MYO1G: variants seen among roughly 807,000 people sequenced by gnomAD.
The protein encoded by MYO1G is myosin IG.
MYO1G carries 65 observed loss-of-function variants against 115.3 expected under a neutral mutation model. The ratio of observed to expected loss-of-function variants is 0.56; its 90% confidence interval spans 0.46 to 0.69. The LOEUF (loss-of-function observed/expected upper bound fraction) is 0.69, where lower values mean the gene tolerates loss of function less well. Among genes scored for constraint, MYO1G ranks in the 30% least tolerant of loss-of-function variants. MYO1G has a pLI of 0.00. For missense variants in MYO1G, 1,204 were observed against 1,393.5 expected (o/e 0.86, Z 2.16); for synonymous variants, 510 against 552.6 (o/e 0.92, Z 1.08).
In MYO1G at chr7:44,963,079, G is replaced by T; in HGVS notation, c.2791C>A (p.Leu931Met). Residue 931 changes from leucine to methionine, a missense_variant, in exon 21 of 22, where the codon CTG (leucine) becomes ATG (methionine). Coordinates refer to ENST00000258787, the MANE Select transcript of MYO1G (RefSeq NM_033054.3). This position sits in a 1 kb window ranked among gnomAD's most constrained non-coding sequence, Gnocchi z 4.1. Reference sequence around the variant, plus strand: ...AGGTCGTCCTGGCCGCGGGCGTGCAGCACCACCAGCTGGTCTCCTCCGCTG... The same window carrying T: ...AGGTCGTCCTGGCCGCGGGCGTGCATCACCACCAGCTGGTCTCCTCCGCTG... ...VTSGGDQLVVLHARGQDDLVV... is the reference protein window; with the variant it reads ...VTSGGDQLVVMHARGQDDLVV... 6.6e-7 allele frequency: 1 copy of T among 1,520,586 alleles called. No individual in the cohort carries two copies. 94.2% of individuals were successfully genotyped at this position (1,520,586 alleles called of 1,614,324 possible). A position where few individuals can be genotyped will look rare whatever the true frequency, so the allele number is the denominator to read the frequency against.
chr7:44,967,050 C>CG (rs1248848670), intron 14 of MYO1G, among the ~76,000 whole-genome samples: 3 of 152,130 alleles, frequency 2.0e-5, no homozygotes, highest in South Asian at 2.1e-4. Flanking sequence ...AGCCCCTGGT[C>CG]GGGGGGTGGG....
chr7:44,969,616 A>G lies in MYO1G; in HGVS notation c.1503+89T>C, dbSNP rs115894702. On this transcript the variant is annotated intron_variant, in intron 11 of 21. Transcript: ENST00000258787. This position sits in a 1 kb window ranked among gnomAD's most constrained non-coding sequence, Gnocchi z 5.0. ...ACAATGGCACCAAAGCTGGGTCCCC[A>G]ACCAGGCCCCACGAGGCATGGGCAG... 9.0e-4 allele frequency: 1,426 copies of G among 1,582,556 alleles called. 9 individuals carry two copies. The African/African-American group carries it at 0.013, about 14-fold the overall frequency.
chr7:44,971,219 C>A (rs1392813476), intron 7 of MYO1G, among the ~76,000 whole-genome samples, 160 bp from the exon 8 acceptor site: 1 of 152,228 alleles, frequency 6.6e-6, no homozygotes. Flanking sequence ...GGCACAGACA[C>A]AGCCAGAGAC....
rs778621734 is a variant in MYO1G at position 44,969,756 on chromosome 7, C to T, written c.1452G>A (p.Leu484=). ...SAGTITDRIF[L]QTLDMHHRHH... is the part of the protein sequence containing the mutation. ...GGCGGTGGTGCATGTCCAGGGTCTG[C>T]AGGAAGATTCGGTCAGTGATGGTGC... Residue 484 remains leucine, a synonymous_variant, in exon 11 of 22, where the codon CTG becomes CTA. Coordinates refer to ENST00000258787, the MANE Select transcript of MYO1G (RefSeq NM_033054.3). The surrounding 1 kb of genome is among the most constrained non-coding windows in gnomAD (Gnocchi z 5.0). 2.5e-6 allele frequency: 4 copies of T among 1,612,376 alleles called. No homozygotes were observed. The highest frequency in any genetic ancestry group is 3.4e-6 in the Non-Finnish European group (4 of 1,179,916).
rs752251741 is a variant in MYO1G at position 44,963,018 on chromosome 7, TCC to T, written c.2850_2851del (p.Asp951GlnfsTer?). 1 of 1,532,684 alleles carries T rather than the reference TCC, an allele frequency of 6.5e-7. No individual in the cohort carries two copies. The highest frequency in any genetic ancestry group is 1.2e-5 in the South Asian group (1 of 83,800). The allele number at this position is 1,532,684 out of a possible 1,614,324, so 94.9% of individuals were successfully genotyped here. A position where few individuals can be genotyped will look rare whatever the true frequency, so the allele number is the denominator to read the frequency against. On this transcript the variant is annotated frameshift_variant, in exon 21 of 22. Coordinates refer to ENST00000258787, the MANE Select transcript of MYO1G (RefSeq NM_033054.3). LOFTEE classifies it high-confidence loss of function. This position sits in a 1 kb window ranked among gnomAD's most constrained non-coding sequence, Gnocchi z 4.1. ...GCCCACCAGCTCCCCAACGCGGTTGTCCAATGGCGGCCGGGAGCGGTGCAGGC... is the reference window on the plus strand; with the variant it reads ...GCCCACCAGCTCCCCAACGCGGTTGTAATGGCGGCCGGGAGCGGTGCAGGC...
intron 5 of MYO1G, chr7:44,973,936 C>G (rs62461373): frequency 0.2 from 29,976 of 151,628 alleles, 3,275 homozygotes; most frequent in Non-Finnish European, 0.22. Context: ...GGGGCTCCCA[C>G]CAGGGGGAGG....
At chr7:44,967,154 T>G (rs571143601) in intron 14 of MYO1G, among the ~76,000 whole-genome samples, 1 of 152,236 alleles carries the variant, frequency 6.6e-6, no homozygotes, top group African/African-American at 2.4e-5. Context: ...TGTTCTGTAG[T>G]TAAGCTCACC....
In MYO1G at chr7:44,964,569, A is replaced by C; in HGVS notation, c.2527-50T>G. On this transcript the variant is annotated intron_variant, in intron 18 of 21. Transcript: ENST00000258787. The surrounding 1 kb of genome is among the most constrained non-coding windows in gnomAD (Gnocchi z 5.1). ...GCGCTGCTTGGGATTGAGTCATGGG[A>C]CCAGACTCAATTGATAGCAGCTGTC... 2 of 1,392,212 alleles carry C rather than the reference A, an allele frequency of 1.4e-6. No homozygotes were observed. The highest frequency in any genetic ancestry group is 2.0e-6 in the Non-Finnish European group (2 of 979,292). The allele number at this position is 1,392,212 out of a possible 1,614,324, so 86.2% of individuals were successfully genotyped here.
In MYO1G at chr7:44,972,597, T is replaced by A. The variant is rs920359238; in HGVS notation, c.619-372A>T. On this transcript the variant is annotated intron_variant, in intron 5 of 21. Transcript: ENST00000258787. ...CCGGGTCCCAAAACCTCCCACTGAGTGAGGAGGTAAGAGTTTGTGGACAAA... is the reference window on the plus strand; with the variant it reads ...CCGGGTCCCAAAACCTCCCACTGAGAGAGGAGGTAAGAGTTTGTGGACAAA... The A allele has an allele frequency of 1.9e-5, 5 of 257,774 alleles. No homozygotes were observed. The Admixed American group carries it at 2.4e-4, about 13-fold the overall frequency. The allele number at this position is 257,774 out of a possible 1,614,324, so 16.0% of individuals were successfully genotyped here.
intron 1 of MYO1G, among the ~76,000 whole-genome samples, chr7:44,978,512 A>G (rs1002397803): frequency 6.6e-6 from 1 of 152,188 alleles, no homozygotes; most frequent in Non-Finnish European, 1.5e-5. Flanking sequence ...CCTCCTGGAA[A>G]GATAGTGCCT....
chr7:44,977,674 T>A (rs1795082312), intron 1 of MYO1G, among the ~76,000 whole-genome samples: 1 of 152,156 alleles, frequency 6.6e-6, no homozygotes, highest in African/African-American at 2.4e-5. Flanking sequence ...ACCCTTTCCT[T>A]CACAAACCTG....
Position 44,966,652 on chromosome 7 carries a change from TG to T in MYO1G, c.1949+19del. ...ACAGGGACTATGGCCCATGGAGTGA[TG>T]GGTGTCAGGTGCCAGTACCTGAGCA... On this transcript the variant is annotated intron_variant, in intron 15 of 21. Transcript: ENST00000258787. This position sits in a 1 kb window ranked among gnomAD's most constrained non-coding sequence, Gnocchi z 5.0. The T allele has an allele frequency of 6.2e-7, 1 of 1,612,872 alleles. No homozygotes were observed. The highest frequency in any genetic ancestry group is 8.5e-7 in the Non-Finnish European group (1 of 1,179,920).
intron 9 of MYO1G, 90 bp from the exon 10 acceptor site, chr7:44,970,244 T>A: frequency 2.1e-6 from 2 of 934,144 alleles, no homozygotes; most frequent in South Asian, 1.5e-5. Flanking sequence ...TCTCTGCTAA[T>A]GTTCATTGAG....
chr7:44,969,909 A>C lies in MYO1G; in HGVS notation c.1333-34T>G. The C allele has an allele frequency of 6.3e-7, 1 of 1,588,754 alleles. No homozygotes were observed. The highest frequency in any genetic ancestry group is 1.7e-4 in the Middle Eastern group (1 of 5,938). ...AAGGCAGCCAGCAAGGAAGCTCCCA[A>C]GGTCTTTCAGGCCACCTCCCCTCCT... is the stretch of plus-strand genomic sequence containing the variant. On this transcript the variant is annotated intron_variant, in intron 10 of 21. Coordinates refer to ENST00000258787, the MANE Select transcript of MYO1G (RefSeq NM_033054.3). This position sits in a 1 kb window ranked among gnomAD's most constrained non-coding sequence, Gnocchi z 5.0.
chr7:44,978,750 G>A, intron 1 of MYO1G, 117 bp downstream of exon 1: 10 of 936,824 alleles, frequency 1.1e-5, no homozygotes, highest in Non-Finnish European at 1.7e-5. Context: ...GTGGGTGTGT[G>A]CCACTGCCCC....
At position 44,964,529 on chromosome 7, in the gene MYO1G, G is replaced by C. The variant is rs1249976046; in HGVS notation, c.2527-10C>G. On this transcript the variant is annotated splice_polypyrimidine_tract_variant and intron_variant, in intron 18 of 21. Transcript: ENST00000258787. This position sits in a 1 kb window ranked among gnomAD's most constrained non-coding sequence, Gnocchi z 5.1. ...TGGGATTGTCAGTGGCCTGAGGACA[G>C]ATGGAGGGGAGGGGGCGCTGCTTGG... 4 of 1,608,658 alleles carry C rather than the reference G, an allele frequency of 2.5e-6. No individual in the cohort carries two copies. The highest frequency in any genetic ancestry group is 3.4e-6 in the Non-Finnish European group (4 of 1,175,284).
At chr7:44,970,468 G>A (rs1412055677) in intron 9 of MYO1G, 124 bp downstream of exon 9, 1 of 1,324,234 alleles carries the variant, frequency 7.6e-7, no homozygotes, top group African/African-American at 1.5e-5. Flanking sequence ...TGAGCCTTGG[G>A]CCCAGGGACC....
Position 44,966,667 on chromosome 7 carries a change from A to G in MYO1G, c.1949+5T>C. On this transcript the variant is annotated splice_donor_5th_base_variant and intron_variant, in intron 15 of 21. Coordinates refer to ENST00000258787, the MANE Select transcript of MYO1G (RefSeq NM_033054.3). This position sits in a 1 kb window ranked among gnomAD's most constrained non-coding sequence, Gnocchi z 5.0. ...CATGGAGTGATGGGTGTCAGGTGCCAGTACCTGAGCAGGAATCGAGAGTAG... is the reference window on the plus strand; with the variant it reads ...CATGGAGTGATGGGTGTCAGGTGCCGGTACCTGAGCAGGAATCGAGAGTAG... 6.2e-7 allele frequency: 1 copy of G among 1,613,064 alleles called. No individual in the cohort carries two copies.
rs1794793878 is a variant in MYO1G at position 44,963,943 on chromosome 7, G to T, written c.2745+106C>A. The T allele has an allele frequency of 2.1e-6, 2 of 935,002 alleles. No individual in the cohort carries two copies. The highest frequency in any genetic ancestry group is 2.1e-5 in the Admixed American group (1 of 47,952). The allele number at this position is 935,002 out of a possible 1,614,324, so 57.9% of individuals were successfully genotyped here. A position where few individuals can be genotyped will look rare whatever the true frequency, so the allele number is the denominator to read the frequency against. On this transcript the variant is annotated intron_variant, in intron 20 of 21. Coordinates refer to ENST00000258787, the MANE Select transcript of MYO1G (RefSeq NM_033054.3). The surrounding 1 kb of genome is among the most constrained non-coding windows in gnomAD (Gnocchi z 4.1). Reference sequence around the variant, plus strand: ...CCATCGCTGAGTTTTAGGATGGTCTGGGCCATCTCAGGTAAACAGGGGAGA... The same window carrying T: ...CCATCGCTGAGTTTTAGGATGGTCTTGGCCATCTCAGGTAAACAGGGGAGA...
Sources: allele counts gnomAD v4.1 joint callset (sites outside exome capture counted in the v4.1 genomes callset), GRCh38; gene constraint gnomAD v4.1.1; non-coding constraint Gnocchi (gnomAD v3.1); transcripts MANE v1.5; gene names NCBI Gene and HGNC (gene_info 2026-07-23, HGNC 2026-07-21).